Variants in VDAC1 observed in about 807,000 individuals in gnomAD.
The protein encoded by VDAC1 is voltage dependent anion channel 1, also known as non-selective voltage-gated ion channel VDAC1.
VDAC1 carries 10 observed loss-of-function variants against 34.7 expected under a neutral mutation model. The observed-to-expected ratio is 0.29, with a 90% confidence interval of 0.18 to 0.49. The LOEUF (loss-of-function observed/expected upper bound fraction) is 0.49. Among genes scored for constraint, VDAC1 ranks in the 20% least tolerant of loss-of-function variants. The pLI, the probability that VDAC1 is intolerant of heterozygous loss-of-function variation, is 0.99. For synonymous variants in VDAC1, 130 were observed against 136.0 expected, an observed-to-expected ratio of 0.96 and a Z score of 0.30; for missense variants, 230 against 347.9, an observed-to-expected ratio of 0.66 and a Z score of 2.69.
the VDAC1 span, among the ~76,000 whole-genome samples, chr5:134,106,807 C>T: frequency 6.6e-6 from 1 of 152,220 alleles, no homozygotes; most frequent in Non-Finnish European, 1.5e-5. Flanking sequence ...AGCCACAGAG[C>T]TACCAAGTGG....
At chr5:134,081,100 C>T in the VDAC1 span, among the ~76,000 whole-genome samples, 6 of 151,240 alleles carry the variant, frequency 4.0e-5, no homozygotes, top group Admixed American at 2.6e-4. Context: ...TGCAATGGCG[C>T]GATCTCAGCT....
At chr5:134,070,631 T>C in the VDAC1 span, among the ~76,000 whole-genome samples, 1 of 152,214 alleles carries the variant, frequency 6.6e-6, no homozygotes, top group Non-Finnish European at 1.5e-5. Context: ...GCTTATATAG[T>C]TATTGGTTAA....
At chr5:134,044,109 C>T in the VDAC1 span, among the ~76,000 whole-genome samples, 3 of 152,184 alleles carry the variant, frequency 2.0e-5, no homozygotes, top group African/African-American at 7.2e-5. Context: ...CAGTACCCTG[C>T]CTCCCATCCC....
At position 133,998,072 on chromosome 5, in the gene VDAC1, C is replaced by CAA. The variant is rs200915111; in HGVS notation, c.-6-5056_-6-5055dup. ...ACAAGAGTAAAACTCCGTCTCGAAA[C>CAA]AAAAAAAAAAAAAAGAAAGAAAGCT... On this transcript the variant is annotated intron_variant, in intron 1 of 8. Coordinates refer to ENST00000265333, the MANE Select transcript of VDAC1 (RefSeq NM_003374.3). Among the ~76,000 whole-genome samples the CAA allele has an allele frequency of 3.5e-3, 349 of 99,834 alleles. 2 individuals are homozygous for CAA. The highest frequency in any genetic ancestry group is 0.011 in the African/African-American group (312 of 27,882). The allele number at this position is 99,834 out of a possible 152,430, so 65.5% of individuals were successfully genotyped here.
At chr5:134,064,291 TG>T in the VDAC1 span, among the ~76,000 whole-genome samples, 1 of 152,112 alleles carries the variant, frequency 6.6e-6, no homozygotes, top group Admixed American at 6.6e-5. Context: ...GACTGATTAT[TG>T]TTTTTTTGTT....
chr5:134,065,489 C>T, the VDAC1 span, among the ~76,000 whole-genome samples: 4 of 151,256 alleles, frequency 2.6e-5, no homozygotes, highest in East Asian at 2.0e-4. Flanking sequence ...TACAAGCGTG[C>T]GCCACCACAC....
At chr5:134,105,914 G>A in the VDAC1 span, among the ~76,000 whole-genome samples, 1,037 of 152,362 alleles carry the variant, frequency 6.8e-3, 7 homozygotes, top group African/African-American at 0.024. Flanking sequence ...GTTTGCCATC[G>A]AAGTCACTCA....
At chr5:134,107,698 G>A in the VDAC1 span, among the ~76,000 whole-genome samples, 6 of 152,214 alleles carry the variant, frequency 3.9e-5, no homozygotes, top group Non-Finnish European at 8.8e-5. Flanking sequence ...GCCTGGTCCT[G>A]AGCTCAGCCC....
chr5:134,102,610 G>A, the VDAC1 span, among the ~76,000 whole-genome samples: 4 of 152,174 alleles, frequency 2.6e-5, no homozygotes, highest in Non-Finnish European at 5.9e-5. Context: ...GGAGGTTGTG[G>A]TGAGCCGAGA....
chr5:134,012,621 C>T, the VDAC1 span, among the ~76,000 whole-genome samples: 3 of 152,146 alleles, frequency 2.0e-5, no homozygotes, highest in African/African-American at 7.2e-5. Flanking sequence ...ACACTCCATG[C>T]TCATGGATTG....
the VDAC1 span, among the ~76,000 whole-genome samples, chr5:134,030,310 A>T: frequency 1.3e-5 from 2 of 152,054 alleles, no homozygotes; most frequent in Non-Finnish European, 2.9e-5. Context: ...ATTATACTCC[A>T]GCCTGGGCAA....
At chr5:133,998,856 G>A (rs893398419) in intron 1 of VDAC1, among the ~76,000 whole-genome samples, 2 of 152,192 alleles carry the variant, frequency 1.3e-5, no homozygotes, top group Non-Finnish European at 2.9e-5. Flanking sequence ...CAGAAGAGAT[G>A]GAACTCCTCC....
At chr5:134,026,388 G>A in the VDAC1 span, among the ~76,000 whole-genome samples, 26 of 152,008 alleles carry the variant, frequency 1.7e-4, no homozygotes, top group African/African-American at 4.8e-4. Flanking sequence ...GGTGGCGGGC[G>A]CCTGTAGTCT....
chr5:134,005,731 G>A (rs1753733629), upstream of VDAC1, among the ~76,000 whole-genome samples: 1 of 152,228 alleles, frequency 6.6e-6, no homozygotes, highest in Admixed American at 6.5e-5. Flanking sequence ...AGGCCTAAGC[G>A]AGTGGTCTCG....
At chr5:134,079,146 T>G in the VDAC1 span, among the ~76,000 whole-genome samples, 1 of 151,780 alleles carries the variant, frequency 6.6e-6, no homozygotes, top group Admixed American at 6.6e-5. Context: ...CCGGTTAATT[T>G]TGTTAATCTT....
intron 1 of VDAC1, among the ~76,000 whole-genome samples, chr5:134,003,636 T>A (rs1457453109): frequency 6.6e-6 from 1 of 152,244 alleles, no homozygotes; most frequent in African/African-American, 2.4e-5. Context: ...CAAAATGGTC[T>A]GCGGGGGATG....
At chr5:134,016,318 T>G in the VDAC1 span, among the ~76,000 whole-genome samples, 1 of 151,894 alleles carries the variant, frequency 6.6e-6, no homozygotes, top group African/African-American at 2.4e-5. Flanking sequence ...GGGGAGTGGG[T>G]GTTGTAAGAA....
the VDAC1 span, among the ~76,000 whole-genome samples, chr5:134,092,795 T>A: frequency 1.3e-5 from 2 of 151,802 alleles, no homozygotes; most frequent in Admixed American, 6.6e-5. Flanking sequence ...GGAACAAAGG[T>A]ATTATACTTA....
At chr5:134,068,009 G>A in the VDAC1 span, among the ~76,000 whole-genome samples, 1 of 151,988 alleles carries the variant, frequency 6.6e-6, no homozygotes, top group Non-Finnish European at 1.5e-5. Flanking sequence ...TACCAGCTAC[G>A]TGGGAGGCTG....
Sources: gnomAD v4.1 joint callset for allele counts (sites outside exome capture counted in the v4.1 genomes callset) on GRCh38, gnomAD v4.1.1 for gene constraint, MANE v1.5 for transcripts, NCBI Gene and HGNC (gene_info 2026-07-23, HGNC 2026-07-21) for gene names.